The following SLC25A21 variants were observed in gnomAD, a reference collection of about 807,000 sequenced individuals.
The protein encoded by SLC25A21 is mitochondrial 2-oxodicarboxylate carrier.
SLC25A21 carries 47 observed loss-of-function variants against 43.8 expected under a neutral mutation model. The ratio of observed to expected loss-of-function variants is 1.07; its 90% CI spans 0.85 to 1.37. The LOEUF is 1.37. Ranked by LOEUF, SLC25A21 falls within the 40% of genes most tolerant of loss-of-function variation. The pLI is 0.00. For missense variants in SLC25A21, 352 were observed against 350.2 expected, an observed-to-expected ratio of 1.00 and a Z score of -0.04; for synonymous variants, 131 against 121.3, an observed-to-expected ratio of 1.08 and a Z score of -0.52.
chr14:36,926,480 T>C (rs1173378403), intron 1 of SLC25A21, among the ~76,000 whole-genome samples: 2 of 152,012 alleles, frequency 1.3e-5, no homozygotes, highest in African/African-American at 2.4e-5. Context: ...AGAAGAAAGA[T>C]AAATCAGAGA....
chr14:36,719,322 C>T (rs1884283125), intron 6 of SLC25A21, among the ~76,000 whole-genome samples: 1 of 152,192 alleles, frequency 6.6e-6, no homozygotes, highest in South Asian at 2.1e-4. Flanking sequence ...ATTGGCAAGA[C>T]TGGGTATGCA....
chr14:37,127,139 A>G (rs575072775), intron 1 of SLC25A21, among the ~76,000 whole-genome samples: 1 of 152,302 alleles, frequency 6.6e-6, no homozygotes, highest in East Asian at 1.9e-4. Flanking sequence ...GCGCTAGGTT[A>G]GACTGGACAA....
intron 1 of SLC25A21, among the ~76,000 whole-genome samples, chr14:37,033,580 A>G (rs1961264681): frequency 6.6e-6 from 1 of 152,244 alleles, no homozygotes; most frequent in Non-Finnish European, 1.5e-5. Context: ...ACCTAGTGAA[A>G]ATCAGTCTAT....
At chr14:37,021,854 T>G (rs1170736437) in intron 1 of SLC25A21, among the ~76,000 whole-genome samples, 6 of 151,834 alleles carry the variant, frequency 4.0e-5, no homozygotes, top group Non-Finnish European at 7.4e-5. Flanking sequence ...ACAAAGGAGA[T>G]TCTCACCATA....
chr14:37,005,535 ACAG>A (rs1960583688), intron 1 of SLC25A21, among the ~76,000 whole-genome samples: 1 of 152,216 alleles, frequency 6.6e-6, no homozygotes, highest in East Asian at 1.9e-4. Flanking sequence ...AAAACACAAC[ACAG>A]CATCTGTTAA....
intron 1 of SLC25A21, among the ~76,000 whole-genome samples, chr14:36,878,469 G>T (rs1466507749): frequency 6.6e-6 from 1 of 152,152 alleles, no homozygotes; most frequent in Non-Finnish European, 1.5e-5. Flanking sequence ...CTCAGAGTGG[G>T]AATGGATGCT....
At chr14:36,894,250 T>C (rs1457354756) in intron 1 of SLC25A21, among the ~76,000 whole-genome samples, 1 of 152,312 alleles carries the variant, frequency 6.6e-6, no homozygotes, top group East Asian at 1.9e-4. Flanking sequence ...GAGGAGGTCC[T>C]TCACATCCCT....
At chr14:36,945,243 A>G (rs992573531) in intron 1 of SLC25A21, among the ~76,000 whole-genome samples, 4 of 152,190 alleles carry the variant, frequency 2.6e-5, no homozygotes, top group African/African-American at 9.7e-5. Context: ...AAAAGTAAAG[A>G]ATATTGCTAC....
At chr14:36,721,460 T>A (rs948591418) in intron 6 of SLC25A21, among the ~76,000 whole-genome samples, 1 of 152,168 alleles carries the variant, frequency 6.6e-6, no homozygotes, top group African/African-American at 2.4e-5. Context: ...GATGGACTGA[T>A]CACTACCATT....
intron 2 of SLC25A21, among the ~76,000 whole-genome samples, chr14:36,820,772 A>C (rs1888596690): frequency 6.6e-6 from 1 of 152,164 alleles, no homozygotes; most frequent in South Asian, 2.1e-4. Context: ...AAAGTTGTAT[A>C]CTGATAATAA....
In SLC25A21 at chr14:37,104,182, G is replaced by A. The variant is rs922586584; in HGVS notation, c.70+68099C>T. 8.5e-5 allele frequency among the ~76,000 whole-genome samples: 13 copies of A among 152,324 alleles called. No homozygotes were observed. The South Asian group carries it at 2.7e-3, about 32-fold the overall frequency. Reference sequence around the variant, plus strand: ...ATAATTTACTTTACTAGAAATGGATGTAAAAATAATTAACCTCATAAGAGG... The same window carrying A: ...ATAATTTACTTTACTAGAAATGGATATAAAAATAATTAACCTCATAAGAGG... On this transcript the variant is annotated intron_variant, in intron 1 of 9. Coordinates refer to ENST00000331299, the MANE Select transcript of SLC25A21 (RefSeq NM_030631.4).
chr14:36,968,344 C>A (rs1047198647), intron 1 of SLC25A21, among the ~76,000 whole-genome samples: 1 of 152,154 alleles, frequency 6.6e-6, no homozygotes, highest in Non-Finnish European at 1.5e-5. Context: ...CAAGAAGTCA[C>A]TGGTGAGTCA....
intron 1 of SLC25A21, among the ~76,000 whole-genome samples, chr14:37,054,461 A>G (rs1418756820): frequency 6.6e-6 from 1 of 152,248 alleles, no homozygotes. Flanking sequence ...ATCAATAGAA[A>G]GCCAGAACAA....
At chr14:36,941,550 A>G (rs989040630) in intron 1 of SLC25A21, among the ~76,000 whole-genome samples, 3 of 152,028 alleles carry the variant, frequency 2.0e-5, no homozygotes, top group Non-Finnish European at 4.4e-5. Context: ...TTGCATTTTA[A>G]CAGTATTTTC....
intron 1 of SLC25A21, among the ~76,000 whole-genome samples, chr14:36,961,095 C>G (rs1257609054): frequency 6.8e-6 from 1 of 146,782 alleles, no homozygotes; most frequent in East Asian, 2.0e-4. Context: ...GGCAAAAACC[C>G]ACACCTGGAT....
At chr14:37,020,382 TATTTCCC>T (rs1032496878) in intron 1 of SLC25A21, among the ~76,000 whole-genome samples, 9 of 151,636 alleles carry the variant, frequency 5.9e-5, no homozygotes, top group Admixed American at 1.3e-4. Context: ...TGAAACTTAG[TATTTCCC>T]ATTTAGAGAT....
At chr14:37,103,126 G>T (rs2138866774) in intron 1 of SLC25A21, among the ~76,000 whole-genome samples, 1 of 152,264 alleles carries the variant, frequency 6.6e-6, no homozygotes, top group Non-Finnish European at 1.5e-5. Flanking sequence ...CCATTAGCTT[G>T]GAATGCATGT....
chr14:36,708,033 G>T (rs1342272645), intron 7 of SLC25A21, among the ~76,000 whole-genome samples: 1 of 152,116 alleles, frequency 6.6e-6, no homozygotes, highest in Non-Finnish European at 1.5e-5. Context: ...AGTCTGAGGT[G>T]GGAGGATCAT....
intron 1 of SLC25A21, among the ~76,000 whole-genome samples, chr14:37,055,937 C>G (rs1001984455): frequency 7.2e-6 from 1 of 138,222 alleles, no homozygotes; most frequent in Admixed American, 7.2e-5. Context: ...GGAGGTGAGG[C>G]CTGGTGGGAG....
Sources: allele counts gnomAD v4.1 joint callset (sites outside exome capture counted in the v4.1 genomes callset), GRCh38; gene constraint gnomAD v4.1.1; transcripts MANE v1.5; gene names NCBI Gene and HGNC (gene_info 2026-07-23, HGNC 2026-07-21).